FSTL4: variants seen among roughly 807,000 people sequenced by gnomAD.
The protein encoded by FSTL4 is follistatin like 4, also known as follistatin-related protein 4.
FSTL4 carries 28 observed loss-of-function variants against 78.2 expected under a neutral mutation model. The ratio of observed to expected loss-of-function variants is 0.36; its 90% CI spans 0.27 to 0.49. The LOEUF is 0.49. Among genes scored for constraint, FSTL4 ranks in the 20% least tolerant of loss-of-function variants. The probability of loss-of-function intolerance (pLI) is 0.98; values close to 1 mark genes in which losing one functional copy is unlikely to be tolerated. For synonymous variants in FSTL4, 422 were observed against 440.5 expected (o/e 0.96, Z 0.53); for missense variants, 922 against 1,084.9 (o/e 0.85, Z 2.11).
chr5:133,233,674 G>A (rs1362549534), intron 7 of FSTL4, 137 bp from the exon 8 acceptor site: 9 of 1,044,924 alleles, frequency 8.6e-6, no homozygotes, highest in Non-Finnish European at 1.1e-5. Context: ...AGCCAGAGCT[G>A]TCTGCAGGGG....
At chr5:133,429,698 T>TGG (rs1200614172) in intron 3 of FSTL4, among the ~76,000 whole-genome samples, 1 of 152,258 alleles carries the variant, frequency 6.6e-6, no homozygotes, top group Middle Eastern at 3.4e-3. Context: ...CACCGTACTA[T>TGG]GGGTTGCTGG....
chr5:133,795,528 A>C, the FSTL4 span, among the ~76,000 whole-genome samples: 1 of 152,240 alleles, frequency 6.6e-6, no homozygotes, highest in Non-Finnish European at 1.5e-5. Context: ...GGATTTAAAA[A>C]AAGTTTAACA....
At chr5:133,489,219 T>C (rs1758207307) in intron 3 of FSTL4, among the ~76,000 whole-genome samples, 1 of 152,226 alleles carries the variant, frequency 6.6e-6, no homozygotes, top group Admixed American at 6.5e-5. Context: ...CTGTGGGGCA[T>C]CTGCCTGGCC....
chr5:133,628,788 T>TA, the FSTL4 span, among the ~76,000 whole-genome samples: 3 of 152,168 alleles, frequency 2.0e-5, no homozygotes, highest in South Asian at 2.1e-4. Context: ...AATAAAAAAA[T>TA]AAAAAAATAG....
intron 6 of FSTL4, 85 bp downstream of exon 6, chr5:133,312,569 G>A: frequency 7.8e-7 from 1 of 1,277,842 alleles, no homozygotes; most frequent in Non-Finnish European, 1.1e-6. Flanking sequence ...GGAGACAACT[G>A]AGGACAGACT....
chr5:133,525,391 T>C (rs969220316), intron 3 of FSTL4, among the ~76,000 whole-genome samples: 3 of 152,194 alleles, frequency 2.0e-5, no homozygotes, highest in African/African-American at 7.2e-5. Context: ...TGTTTCCCAC[T>C]GAGAAAGAGC....
the FSTL4 span, among the ~76,000 whole-genome samples, chr5:133,689,806 A>G: frequency 6.6e-6 from 1 of 152,178 alleles, no homozygotes; most frequent in African/African-American, 2.4e-5. Flanking sequence ...TCACGCCTGT[A>G]ATCCCAGCAC....
chr5:133,807,192 C>T, the FSTL4 span, among the ~76,000 whole-genome samples: 1 of 152,214 alleles, frequency 6.6e-6, no homozygotes, highest in Non-Finnish European at 1.5e-5. Flanking sequence ...CCTCTCTGTT[C>T]CTCAATCTCC....
chr5:133,221,328 G>A (rs1360712456), intron 11 of FSTL4, among the ~76,000 whole-genome samples: 1 of 152,124 alleles, frequency 6.6e-6, no homozygotes, highest in East Asian at 1.9e-4. Context: ...TAAGAATGCT[G>A]CCCTTTGCCC....
chr5:133,781,365 TTGTGTGTGTGTGTGTGTG>T, the FSTL4 span, among the ~76,000 whole-genome samples: 915 of 143,400 alleles, frequency 6.4e-3, 7 homozygotes, highest in African/African-American at 0.023. Context: ...TGTTAAGCGG[TTGTGTGTGTGTGTGTGTG>T]TGTGTGTGTG....
At chr5:133,284,200 C>T (rs1256196321) in intron 6 of FSTL4, among the ~76,000 whole-genome samples, 1 of 152,228 alleles carries the variant, frequency 6.6e-6, no homozygotes, top group East Asian at 1.9e-4. Context: ...ACTGTCCCTT[C>T]TCTCACGCTG....
At chr5:133,442,762 T>G (rs1455690879) in intron 3 of FSTL4, among the ~76,000 whole-genome samples, 1 of 152,142 alleles carries the variant, frequency 6.6e-6, no homozygotes, top group African/African-American at 2.4e-5. Flanking sequence ...CAATCAGGCT[T>G]TTGGAGTCAG....
chr5:133,336,988 G>A (rs1754477062), intron 4 of FSTL4, among the ~76,000 whole-genome samples: 1 of 152,198 alleles, frequency 6.6e-6, no homozygotes, highest in Non-Finnish European at 1.5e-5. Flanking sequence ...ACCACTAATG[G>A]AATGATGAAT....
At chr5:133,754,629 G>A in the FSTL4 span, among the ~76,000 whole-genome samples, 1 of 152,268 alleles carries the variant, frequency 6.6e-6, no homozygotes, top group African/African-American at 2.4e-5. Flanking sequence ...CTAGTTTAAT[G>A]AGGCTCACCT....
intron 3 of FSTL4, among the ~76,000 whole-genome samples, chr5:133,548,357 T>G (rs1759624286): frequency 6.6e-6 from 1 of 152,038 alleles, no homozygotes; most frequent in Admixed American, 6.6e-5. Flanking sequence ...GTCCTTAACT[T>G]AGGGTGTCTG....
chr5:133,723,319 G>A, the FSTL4 span, among the ~76,000 whole-genome samples: 19 of 152,308 alleles, frequency 1.2e-4, no homozygotes, highest in African/African-American at 2.9e-4. Flanking sequence ...AGAAGAAGAC[G>A]TACTCCAGAG....
At chr5:133,316,330 T>A in intron 5 of FSTL4, 129 bp downstream of exon 5, 1 of 678,416 alleles carries the variant, frequency 1.5e-6, no homozygotes, top group Non-Finnish European at 2.4e-6. Context: ...GGGAAGAACC[T>A]GACCTCATTT....
chr5:133,605,708 T>A (rs1314353477), intron 1 of FSTL4, among the ~76,000 whole-genome samples: 2 of 152,226 alleles, frequency 1.3e-5, no homozygotes, highest in African/African-American at 4.8e-5. Context: ...AAGGCATGAC[T>A]GTCTTTTAAG....
At chr5:133,222,238 G>A (rs1455810009) in intron 11 of FSTL4, among the ~76,000 whole-genome samples, 2 of 152,114 alleles carry the variant, frequency 1.3e-5, no homozygotes, top group Non-Finnish European at 2.9e-5. Context: ...ACACCAGGGA[G>A]TATCCAGCAT....
Sources: allele counts gnomAD v4.1 joint callset (sites outside exome capture counted in the v4.1 genomes callset), GRCh38; gene constraint gnomAD v4.1.1; transcripts MANE v1.5; gene names NCBI Gene and HGNC (gene_info 2026-07-23, HGNC 2026-07-21).